The following KLHL4 variants were observed in gnomAD, a reference collection of about 807,000 sequenced individuals.
The protein encoded by KLHL4 is kelch-like protein 4.
In KLHL4, 17 loss-of-function variants were observed where a neutral mutation model predicts 45.8. That is an observed-to-expected ratio of 0.37 (90% CI 0.25 to 0.56). The LOEUF (loss-of-function observed/expected upper bound fraction) is 0.56, where lower values mean the gene tolerates loss of function less well. Ranked by LOEUF, KLHL4 falls within the 20% of genes least tolerant of loss-of-function variation. The pLI is 0.79. For missense variants in KLHL4, 544 were observed against 544.9 expected, an observed-to-expected ratio of 1.00 and a Z score of 0.02; for synonymous variants, 224 against 189.9, an observed-to-expected ratio of 1.18 and a Z score of -1.47.
At chrX:87,619,852 C>T (rs1292385127) in intron 4 of KLHL4, among the ~76,000 whole-genome samples, 2 of 111,569 alleles carry the variant, frequency 1.8e-5, no homozygotes, top group Non-Finnish European at 3.8e-5. Flanking sequence ...ATATAAAGGT[C>T]TTGCTATAAT....
rs1924482371 is a variant in KLHL4, at chrX:87,669,213, T to G, written c.*2679T>G. The G allele has an allele frequency of 4.5e-6, 5 of 1,106,878 alleles. No individual in the cohort carries two copies. In the East Asian group the frequency reaches 1.6e-4, roughly 36 times the overall value. 91.2% of individuals were successfully genotyped at this position (1,106,878 alleles called of 1,213,427 possible). On this transcript the variant is annotated 3_prime_UTR_variant, in exon 11 of 11. Transcript: ENST00000373119. ...CTCAGATCTGAAAGACAATGTTGCT[T>G]CTTGATTTTTTTCTATAATCACTAT...
intron 1 of KLHL4, among the ~76,000 whole-genome samples, chrX:87,594,423 A>G (rs1921773121): frequency 1.8e-5 from 2 of 111,770 alleles, no homozygotes; most frequent in Non-Finnish European, 3.8e-5. Flanking sequence ...TTAAACAACT[A>G]CTATGCTGAA....
chrX:87,610,989 G>A (rs1042649549), intron 1 of KLHL4, among the ~76,000 whole-genome samples: 1 of 110,878 alleles, frequency 9.0e-6, no homozygotes, highest in African/African-American at 3.3e-5. Context: ...CATGAGAATC[G>A]CTTGAACCCA....
chrX:87,566,462 A>G (rs1488826980), intron 1 of KLHL4, among the ~76,000 whole-genome samples: 7 of 111,948 alleles, frequency 6.3e-5, no homozygotes, highest in African/African-American at 2.3e-4. Flanking sequence ...TCCACCTTAA[A>G]TGTGCTCAGA....
chrX:87,576,015 A>G (rs886660324), intron 1 of KLHL4, among the ~76,000 whole-genome samples: 4 of 111,818 alleles, frequency 3.6e-5, no homozygotes, highest in Non-Finnish European at 7.5e-5. Context: ...CTGTGATAAC[A>G]TAGAAACTTC....
intron 1 of KLHL4, among the ~76,000 whole-genome samples, chrX:87,536,361 CTTCT>C (rs964462817): frequency 3.6e-5 from 4 of 110,769 alleles, no homozygotes; most frequent in Admixed American, 9.7e-5. Context: ...CAATTTTTCT[CTTCT>C]TTAAGCCAAA....
At chrX:87,574,272 T>C (rs766146486) in intron 1 of KLHL4, among the ~76,000 whole-genome samples, 227 of 111,932 alleles carry the variant, frequency 2.0e-3, no homozygotes, top group African/African-American at 6.1e-3. Flanking sequence ...GCTAAAGAAG[T>C]ACTAATGCCC....
At chrX:87,522,766 T>C (rs1191219072) in intron 1 of KLHL4, among the ~76,000 whole-genome samples, 2 of 112,088 alleles carry the variant, frequency 1.8e-5, no homozygotes, top group Non-Finnish European at 3.8e-5. Context: ...CGACAAAAAA[T>C]TTAAATTTAT....
rs760799264 is a variant in KLHL4 at position 87,625,694 on chromosome X, C to A, written c.1222C>A (p.Leu408Ile). 3.4e-5 allele frequency: 41 copies of A among 1,207,225 alleles called. No individual in the cohort carries two copies. In the Admixed American group the frequency reaches 6.6e-4, roughly 19 times the overall value. ...KLLMEAMKYH[L>I]LPERRSMMQS... ...CCTGATGGAAGCTATGAAGTATCAT[C>A]TTTTGCCTGAGAGAAGATCCATGAT... The change falls in exon 6 of 11, where the codon CTT (leucine) becomes ATT (isoleucine). Residue 408 changes from leucine (L) to isoleucine (I), a missense_variant. Coordinates refer to ENST00000373119, the MANE Select transcript of KLHL4 (RefSeq NM_019117.5).
intron 1 of KLHL4, among the ~76,000 whole-genome samples, chrX:87,594,262 T>C (rs1428819106): frequency 1.8e-5 from 2 of 111,880 alleles, no homozygotes; most frequent in Non-Finnish European, 3.8e-5. Flanking sequence ...AATATAAATG[T>C]ATGCATCCTG....
chrX:87,651,176 G>A (rs1335689131), intron 9 of KLHL4, among the ~76,000 whole-genome samples: 1 of 111,471 alleles, frequency 9.0e-6, no homozygotes, highest in Non-Finnish European at 1.9e-5. Flanking sequence ...AGGTGAGGCA[G>A]GTAGGGAAGG....
intron 3 of KLHL4, among the ~76,000 whole-genome samples, chrX:87,616,558 A>T (rs981520065): frequency 3.6e-5 from 4 of 111,312 alleles, no homozygotes; most frequent in African/African-American, 1.3e-4. Context: ...CTATCCTTTT[A>T]CTCTTTAATG....
chrX:87,530,989 TG>T (rs1452553543), intron 1 of KLHL4, among the ~76,000 whole-genome samples: 1 of 111,837 alleles, frequency 8.9e-6, no homozygotes, highest in Non-Finnish European at 1.9e-5. Flanking sequence ...GGTATCTCAT[TG>T]TGGTTTTGAT....
chrX:87,630,393 C>T (rs1407381085), intron 6 of KLHL4, among the ~76,000 whole-genome samples: 1 of 109,528 alleles, frequency 9.1e-6, no homozygotes, highest in Admixed American at 9.8e-5. Context: ...TATTATTATA[C>T]TTTAAGTTTT....
intron 1 of KLHL4, among the ~76,000 whole-genome samples, chrX:87,537,488 G>A (rs56830172): frequency 1.9e-3 from 205 of 110,373 alleles, no homozygotes; most frequent in African/African-American, 6.6e-3. Flanking sequence ...TATTTAACAC[G>A]TTTATATAAA....
chrX:87,617,528 G>GT (rs1279568845), intron 3 of KLHL4, among the ~76,000 whole-genome samples: 1 of 111,640 alleles, frequency 9.0e-6, no homozygotes, highest in African/African-American at 3.2e-5. Flanking sequence ...CATAATGAAA[G>GT]TTTTTTCAAC....
chrX:87,531,563 G>GA (rs1455826541), intron 1 of KLHL4, among the ~76,000 whole-genome samples: 1 of 107,597 alleles, frequency 9.3e-6, no homozygotes, highest in Non-Finnish European at 1.9e-5. Context: ...CAGATGACAT[G>GA]ATTGTATATC....
At position 87,531,512 on chromosome X, in the gene KLHL4, T is replaced by C. The variant is rs1478271566; in HGVS notation, c.422+13197T>C. Reference sequence around the variant, plus strand: ...TTAGGCAGGAGAAGGAAATAAAGGGTATTCAATTAGGAAAAGAGGAAGTCA... The same window carrying C: ...TTAGGCAGGAGAAGGAAATAAAGGGCATTCAATTAGGAAAAGAGGAAGTCA... On this transcript the variant is annotated intron_variant, in intron 1 of 10. Coordinates refer to ENST00000373119, the MANE Select transcript of KLHL4 (RefSeq NM_019117.5). Among the ~76,000 whole-genome samples the C allele has an allele frequency of 8.3e-5, 9 of 109,040 alleles. No homozygotes were observed. The South Asian group carries it at 1.6e-3, about 20-fold the overall frequency. The allele number at this position is 109,040 out of a possible 115,157, so 94.7% of individuals were successfully genotyped here. A position where few individuals can be genotyped will look rare whatever the true frequency, so the allele number is the denominator to read the frequency against.
At chrX:87,529,064 G>GA (rs78728711) in intron 1 of KLHL4, among the ~76,000 whole-genome samples, 120 of 101,849 alleles carry the variant, frequency 1.2e-3, no homozygotes, top group African/African-American at 2.2e-3. Context: ...GTGATAAAAG[G>GA]AAAAAAAAAA....
Sources: gnomAD v4.1 joint callset for allele counts (sites outside exome capture counted in the v4.1 genomes callset) on GRCh38, gnomAD v4.1.1 for gene constraint, MANE v1.5 for transcripts, NCBI Gene and HGNC (gene_info 2026-07-23, HGNC 2026-07-21) for gene names.